NNT: variants seen among roughly 807,000 people sequenced by gnomAD.
The protein encoded by NNT is nicotinamide nucleotide transhydrogenase.
In NNT, 50 loss-of-function variants were observed where a neutral mutation model predicts 104.8. That is an observed-to-expected ratio of 0.48 (90% CI 0.38 to 0.60). The LOEUF is 0.60. Among genes scored for constraint, NNT ranks in the 20% least tolerant of loss-of-function variants. The probability of loss-of-function intolerance (pLI) is 0.00; values close to 1 mark genes in which losing one functional copy is unlikely to be tolerated. For missense variants in NNT, 1,131 were observed against 1,330.7 expected (o/e 0.85, Z 2.33); for synonymous variants, 461 against 490.4 (o/e 0.94, Z 0.79).
chr5:43,646,136 G>A (rs535244559), intron 10 of NNT, among the ~76,000 whole-genome samples: 2 of 151,976 alleles, frequency 1.3e-5, no homozygotes, highest in African/African-American at 4.8e-5. Context: ...CCACCTCTAC[G>A]GAATTGGAGA....
chr5:43,684,764 A>G (rs910477521), intron 19 of NNT, among the ~76,000 whole-genome samples: 2 of 152,186 alleles, frequency 1.3e-5, no homozygotes, highest in Non-Finnish European at 2.9e-5. Context: ...TTTAATAAGT[A>G]TGATTTATAA....
chr5:43,629,554 T>C (rs1233098192), intron 7 of NNT, among the ~76,000 whole-genome samples: 1 of 152,238 alleles, frequency 6.6e-6, no homozygotes, highest in Non-Finnish European at 1.5e-5. Flanking sequence ...ATCTCCATGC[T>C]GCTTTCCATA....
At chr5:43,692,268 T>A (rs1742323585) in intron 19 of NNT, among the ~76,000 whole-genome samples, 1 of 152,186 alleles carries the variant, frequency 6.6e-6, no homozygotes, top group Admixed American at 6.5e-5. Flanking sequence ...TTTAAGACCA[T>A]GCAAATATCT....
At chr5:43,645,561 T>TTG in intron 10 of NNT, 51 bp downstream of exon 10, 1 of 1,136,544 alleles carries the variant, frequency 8.8e-7, no homozygotes, top group Non-Finnish European at 1.2e-6. Context: ...ATTTTGCAAG[T>TTG]TATATATATA....
intron 17 of NNT, among the ~76,000 whole-genome samples, chr5:43,665,236 TA>T (rs1487564346): frequency 2.7e-5 from 4 of 150,268 alleles, no homozygotes; most frequent in African/African-American, 7.3e-5. Flanking sequence ...TTATTATTAT[TA>T]TTATTTTTTA....
chr5:43,610,201 C>CTT (rs3054076), intron 2 of NNT, among the ~76,000 whole-genome samples: 94 of 126,120 alleles, frequency 7.5e-4, no homozygotes, highest in Non-Finnish European at 1.1e-3. Flanking sequence ...AACTGTCTGT[C>CTT]TTTTTTTTTT....
intron 19 of NNT, among the ~76,000 whole-genome samples, chr5:43,692,307 C>A (rs1190594886): frequency 6.6e-6 from 1 of 152,098 alleles, no homozygotes; most frequent in Admixed American, 6.6e-5. Flanking sequence ...ACTCCCTAGA[C>A]TGAACATGTG....
chr5:43,669,599 G>A lies in NNT; in HGVS notation c.2635-5912G>A, dbSNP rs199815251. On this transcript the variant is annotated intron_variant, in intron 17 of 21. Transcript: ENST00000344920. Reference sequence around the variant, plus strand: ...AGATTACGTTTATTGATTTGTGTATGTTGAACCAGCCTTGCATCCCAGGGA... The same window carrying A: ...AGATTACGTTTATTGATTTGTGTATATTGAACCAGCCTTGCATCCCAGGGA... Among the ~76,000 whole-genome samples, 119 of 152,182 alleles carry A rather than the reference G, an allele frequency of 7.8e-4. 3 individuals are homozygous for A. In the East Asian group the frequency reaches 0.022, roughly 28 times the overall value.
chr5:43,609,752 G>A (rs953007199), intron 2 of NNT, among the ~76,000 whole-genome samples: 2 of 152,160 alleles, frequency 1.3e-5, no homozygotes, highest in African/African-American at 4.8e-5. Context: ...TTCCAATTTA[G>A]TTAGTAGCAA....
intron 7 of NNT, among the ~76,000 whole-genome samples, chr5:43,630,219 C>T (rs1422342995): frequency 6.6e-6 from 1 of 152,110 alleles, no homozygotes; most frequent in Non-Finnish European, 1.5e-5. Flanking sequence ...AGCACCATTG[C>T]TTGATGTATG....
Position 43,703,448 on chromosome 5 carries a change from ATTTG to A in NNT, c.3111+716_3111+719del, listed in dbSNP as rs112197508. 2.5e-3 allele frequency among the ~76,000 whole-genome samples: 381 copies of A among 152,270 alleles called. 2 individuals are homozygous for A. Among genetic ancestry groups the A allele is most frequent in the African/African-American group, 4.4e-3 (184 of 41,568 alleles). ...TGATGAATGAGTAGACATAAAATAT[ATTTG>A]TTTATGTGTGTATGAAAAATTGTGT... is the stretch of plus-strand genomic sequence containing the variant. On this transcript the variant is annotated intron_variant, in intron 21 of 21. Coordinates refer to ENST00000344920, the MANE Select transcript of NNT (RefSeq NM_182977.3).
At position 43,624,105 on chromosome 5, in the gene NNT, G is replaced by C; in HGVS notation, c.761G>C (p.Arg254Pro). The C allele has an allele frequency of 1.9e-6, 3 of 1,614,114 alleles. No homozygotes were observed. The highest frequency in any genetic ancestry group is 2.5e-6 in the Non-Finnish European group (3 of 1,179,974). ...GAAKSMGAIV[R>P]GFDTRAAALE... ...GCAAAGTCGATGGGTGCAATTGTTC[G>C]AGGATTTGACACAAGGTGAGTGCTT... Residue 254 changes from arginine (R) to proline (P), a missense_variant, in exon 6 of 22, where the codon CGA (arginine) becomes CCA (proline). By Grantham distance (103) the Arg-to-Pro change is moderately radical. Coordinates refer to ENST00000344920, the MANE Select transcript of NNT (RefSeq NM_182977.3).
chr5:43,637,879 A>G (rs1400552296), intron 7 of NNT, among the ~76,000 whole-genome samples: 2 of 152,172 alleles, frequency 1.3e-5, no homozygotes, highest in African/African-American at 4.8e-5. Context: ...CCAGTCACTA[A>G]TAAGGTGATA....
chr5:43,634,854 G>T (rs1422067165), intron 7 of NNT, among the ~76,000 whole-genome samples: 1 of 152,180 alleles, frequency 6.6e-6, no homozygotes, highest in Non-Finnish European at 1.5e-5. Flanking sequence ...CTTTGTGAGT[G>T]ACTGGGCCAG....
At chr5:43,663,162 A>G (rs758126330) in intron 17 of NNT, among the ~76,000 whole-genome samples, 1 of 152,134 alleles carries the variant, frequency 6.6e-6, no homozygotes, top group Non-Finnish European at 1.5e-5. Flanking sequence ...AGATATTACC[A>G]TAGTCTATTT....
At chr5:43,633,558 A>G (rs1407438906) in intron 7 of NNT, among the ~76,000 whole-genome samples, 1 of 152,122 alleles carries the variant, frequency 6.6e-6, no homozygotes, top group Non-Finnish European at 1.5e-5. Context: ...GCACTCAAAG[A>G]ACTTTGCTTG....
At chr5:43,613,397 A>C (rs1258091223) in intron 3 of NNT, 6 of 372,302 alleles carry the variant, frequency 1.6e-5, no homozygotes, top group Non-Finnish European at 2.4e-5. Flanking sequence ...TTTTCTTTTA[A>C]TTGGCTAGGA....
chr5:43,653,299 T>G, intron 14 of NNT, 86 bp downstream of exon 14: 1 of 1,291,416 alleles, frequency 7.7e-7, no homozygotes, highest in South Asian at 1.8e-5. Flanking sequence ...AATAATTAAA[T>G]TTTGTTCATG....
At chr5:43,672,712 G>A (rs1439018500) in intron 17 of NNT, among the ~76,000 whole-genome samples, 1 of 152,216 alleles carries the variant, frequency 6.6e-6, no homozygotes, top group Non-Finnish European at 1.5e-5. Context: ...GTGCCTCCCA[G>A]TTAGGCTACT....
Sources: gnomAD v4.1 joint callset for allele counts (sites outside exome capture counted in the v4.1 genomes callset) on GRCh38, gnomAD v4.1.1 for gene constraint, MANE v1.5 for transcripts, NCBI Gene and HGNC (gene_info 2026-07-23, HGNC 2026-07-21) for gene names.